Variants in SYCP1 observed in about 807,000 individuals in gnomAD.
SYCP1 encodes synaptonemal complex protein 1, also known as cancer/testis antigen 8.
SYCP1 carries 64 observed loss-of-function variants against 153.1 expected under a neutral mutation model. The ratio of observed to expected loss-of-function variants is 0.42; its 90% CI spans 0.34 to 0.51. The LOEUF is 0.51. Among genes scored for constraint, SYCP1 ranks in the 20% least tolerant of loss-of-function variants. The probability of loss-of-function intolerance (pLI) is 0.06; values close to 1 mark genes in which losing one functional copy is unlikely to be tolerated. For synonymous variants in SYCP1, 384 were observed against 341.8 expected, an observed-to-expected ratio of 1.12 and a Z score of -1.36; for missense variants, 997 against 1,049.0, an observed-to-expected ratio of 0.95 and a Z score of 0.68.
intron 29 of SYCP1, among the ~76,000 whole-genome samples, chr1:114,983,591 G>A (rs541479212): frequency 6.6e-6 from 1 of 152,096 alleles, no homozygotes; most frequent in East Asian, 1.9e-4. Flanking sequence ...CTGTCTGGTG[G>A]TTGCCAGGCT....
chr1:114,875,978 A>T (rs1438438991), intron 9 of SYCP1, 91 bp from the exon 10 acceptor site: 2 of 764,794 alleles, frequency 2.6e-6, no homozygotes, highest in Admixed American at 3.1e-5. Flanking sequence ...AAATTTAATG[A>T]TCACATGATA....
At chr1:114,867,169 C>T (rs56321750) in intron 8 of SYCP1, among the ~76,000 whole-genome samples, 9,257 of 152,072 alleles carry the variant, frequency 0.061, 319 homozygotes, top group Middle Eastern at 0.14. Context: ...TATAGTAAGT[C>T]TTGAATTTGA....
At chr1:114,866,490 T>G (rs1664752824) in intron 8 of SYCP1, among the ~76,000 whole-genome samples, 1 of 152,158 alleles carries the variant, frequency 6.6e-6, no homozygotes, top group Non-Finnish European at 1.5e-5. Context: ...TTTGGTAAGG[T>G]GTCTGTTAAG....
intron 29 of SYCP1, among the ~76,000 whole-genome samples, chr1:114,982,669 T>C (rs1673243147): frequency 6.6e-6 from 1 of 151,974 alleles, no homozygotes; most frequent in African/African-American, 2.4e-5. Flanking sequence ...TGAACATATT[T>C]AAAATAGCTG....
chr1:114,866,880 G>T (rs76774305), intron 8 of SYCP1, among the ~76,000 whole-genome samples: 1 of 149,858 alleles, frequency 6.7e-6, no homozygotes, highest in East Asian at 1.9e-4. Flanking sequence ...TTTGTTAAGG[G>T]TGTAAGATCT....
At position 114,981,520 on chromosome 1, in the gene SYCP1, T is replaced by C. The variant is rs1349448528; in HGVS notation, c.2559+8T>C. On this transcript the variant is annotated splice_region_variant and intron_variant, in intron 29 of 31. Transcript: ENST00000369522. ...TCTACACCATTGCCAAAGGTTTGTGTCTAAATTTTCCATGTTAGTAGTAAT... is the reference window on the plus strand; with the variant it reads ...TCTACACCATTGCCAAAGGTTTGTGCCTAAATTTTCCATGTTAGTAGTAAT... The C allele has an allele frequency of 6.3e-7, 1 of 1,575,592 alleles. No individual in the cohort carries two copies. The highest frequency in any genetic ancestry group is 1.7e-4 in the Middle Eastern group (1 of 5,916).
chr1:114,871,827 C>G (rs1296023414), intron 8 of SYCP1, among the ~76,000 whole-genome samples: 1 of 152,132 alleles, frequency 6.6e-6, no homozygotes, highest in African/African-American at 2.4e-5. Flanking sequence ...CTCAAGTGAT[C>G]CAACTGCCTT....
intron 27 of SYCP1, among the ~76,000 whole-genome samples, chr1:114,960,163 G>GTTTTTTTTTTT (rs757126453): frequency 9.1e-6 from 1 of 109,476 alleles, no homozygotes; most frequent in African/African-American, 3.9e-5. Flanking sequence ...TAGTTTGCTT[G>GTTTTTTTTTTT]TTTTTTTTTT....
chr1:114,946,602 G>A (rs1670724213), intron 26 of SYCP1, among the ~76,000 whole-genome samples: 1 of 152,060 alleles, frequency 6.6e-6, no homozygotes, highest in Non-Finnish European at 1.5e-5. Context: ...ATAAACTCCA[G>A]TAAACAAATA....
chr1:114,871,887 A>ATT (rs1190711841), intron 8 of SYCP1, among the ~76,000 whole-genome samples: 7 of 150,244 alleles, frequency 4.7e-5, no homozygotes, highest in African/African-American at 1.5e-4. Context: ...CGCCTGGCCC[A>ATT]TTATTGGTAT....
chr1:114,982,192 C>T (rs1271727004), intron 29 of SYCP1, among the ~76,000 whole-genome samples: 2 of 152,120 alleles, frequency 1.3e-5, no homozygotes, highest in African/African-American at 4.8e-5. Context: ...ACATTCATAT[C>T]TAACTAGGGA....
intron 25 of SYCP1, 44 bp downstream of exon 25, chr1:114,945,026 C>T (rs1670618443): frequency 7.5e-7 from 1 of 1,329,092 alleles, no homozygotes; most frequent in Admixed American, 2.4e-5. Context: ...TAATTGGAGC[C>T]ATATTTCTGT....
intron 26 of SYCP1, among the ~76,000 whole-genome samples, chr1:114,946,683 T>A (rs183166554): frequency 1.2e-3 from 189 of 152,212 alleles, no homozygotes; most frequent in Non-Finnish European, 2.0e-3. Flanking sequence ...AGAGATATAC[T>A]TTGTGTTGAA....
intron 23 of SYCP1, among the ~76,000 whole-genome samples, chr1:114,932,574 C>A (rs1306486666): frequency 6.6e-6 from 1 of 152,140 alleles, no homozygotes; most frequent in African/African-American, 2.4e-5. Flanking sequence ...GGGTGCAGCC[C>A]ACAGAGCGTG....
intron 23 of SYCP1, among the ~76,000 whole-genome samples, chr1:114,930,811 A>C (rs1669583189): frequency 6.6e-6 from 1 of 151,916 alleles, no homozygotes; most frequent in Non-Finnish European, 1.5e-5. Context: ...ATCTGAATAA[A>C]AGAAAATTAC....
At chr1:114,972,680 T>G (rs1436633445) in intron 27 of SYCP1, among the ~76,000 whole-genome samples, 1 of 152,194 alleles carries the variant, frequency 6.6e-6, no homozygotes. Context: ...TGGAGCATAT[T>G]GTTTAAATTC....
At chr1:114,933,285 G>C (rs1669761248) in intron 23 of SYCP1, among the ~76,000 whole-genome samples, 2 of 152,100 alleles carry the variant, frequency 1.3e-5, no homozygotes, top group South Asian at 4.2e-4. Flanking sequence ...AGGCAAACAG[G>C]GTCTGAAATG....
At chr1:114,904,637 A>C (rs896744688) in intron 16 of SYCP1, among the ~76,000 whole-genome samples, 2 of 152,198 alleles carry the variant, frequency 1.3e-5, no homozygotes, top group African/African-American at 4.8e-5. Flanking sequence ...ATGTTATATT[A>C]GGTTTATACC....
chr1:114,863,253 A>G (rs756236986), intron 8 of SYCP1: 4 of 148,400 alleles, frequency 2.7e-5, no homozygotes, highest in East Asian at 2.0e-4. Flanking sequence ...ACTCCCACCA[A>G]TAGTGTAAAA....
Sources: allele counts gnomAD v4.1 joint callset (sites outside exome capture counted in the v4.1 genomes callset), GRCh38; gene constraint gnomAD v4.1.1; transcripts MANE v1.5; gene names NCBI Gene and HGNC (gene_info 2026-07-23, HGNC 2026-07-21).